The following RBFOX1 variants were observed in gnomAD, a reference collection of about 807,000 sequenced individuals.
RBFOX1 encodes RNA binding fox-1 homolog 1.
A neutral mutation model predicts 57.7 loss-of-function variants in RBFOX1; 8 were observed. The observed-to-expected ratio is 0.14, with a 90% CI of 0.08 to 0.25. RBFOX1 has a LOEUF of 0.25. Among genes scored for constraint, RBFOX1 ranks in the 10% least tolerant of loss-of-function variants. The pLI, the probability that RBFOX1 is intolerant of heterozygous loss-of-function variation, is 1.00. For missense variants in RBFOX1, 611 were observed against 548.5 expected (o/e 1.11, Z -1.14); for synonymous variants, 326 against 222.4 (o/e 1.47, Z -4.15).
chr16:7,705,051 A>G (rs2081997147), intron 14 of RBFOX1, among the ~76,000 whole-genome samples: 2 of 138,750 alleles, frequency 1.4e-5, no homozygotes, highest in African/African-American at 3.1e-5. Context: ...CTCAAAAGAA[A>G]AAAAAAAAAA....
At chr16:7,314,764 G>A (rs931676974) in intron 4 of RBFOX1, among the ~76,000 whole-genome samples, 31 of 152,302 alleles carry the variant, frequency 2.0e-4, no homozygotes, top group African/African-American at 5.1e-4. Context: ...TTGACTGTAA[G>A]CCGAATCACC....
At chr16:6,962,291 C>T (rs2083190548) in intron 3 of RBFOX1, among the ~76,000 whole-genome samples, 2 of 152,122 alleles carry the variant, frequency 1.3e-5, no homozygotes, top group African/African-American at 4.8e-5. Flanking sequence ...TTGGCCCACC[C>T]TAAATTCAGG....
chr16:7,148,519 T>C (rs1337882723), intron 4 of RBFOX1, among the ~76,000 whole-genome samples: 1 of 152,228 alleles, frequency 6.6e-6, no homozygotes, highest in Non-Finnish European at 1.5e-5. Context: ...ACATTTAACA[T>C]ATTAAGGCCG....
At chr16:6,328,460 A>T (rs921077741) in intron 2 of RBFOX1, among the ~76,000 whole-genome samples, 3 of 152,134 alleles carry the variant, frequency 2.0e-5, no homozygotes, top group Non-Finnish European at 2.9e-5. Context: ...GTGCATTGTG[A>T]GGCCAAATAA....
chr16:7,272,480 G>A lies in RBFOX1; in HGVS notation c.27+220382G>A, dbSNP rs546855789. ...ATTACAGGCATCAGCCACCATGCCTGGCACCCGTTTCCCTAGTTTAGACAT... is the reference window on the plus strand; with the variant it reads ...ATTACAGGCATCAGCCACCATGCCTAGCACCCGTTTCCCTAGTTTAGACAT... On this transcript the variant is annotated intron_variant, in intron 4 of 15. Transcript: ENST00000550418. 2.0e-5 allele frequency among the ~76,000 whole-genome samples: 3 copies of A among 152,264 alleles called. No homozygotes were observed. The South Asian group carries it at 6.2e-4, about 32-fold the overall frequency.
chr16:6,224,721 A>T (rs2097402911), intron 1 of RBFOX1, among the ~76,000 whole-genome samples: 1 of 152,142 alleles, frequency 6.6e-6, no homozygotes, highest in South Asian at 2.1e-4. Flanking sequence ...TCAAAAGCAG[A>T]TTAAGAATCA....
At chr16:7,103,643 TTTG>T (rs2063083002) in intron 4 of RBFOX1, among the ~76,000 whole-genome samples, 1 of 152,210 alleles carries the variant, frequency 6.6e-6, no homozygotes, top group Non-Finnish European at 1.5e-5. Flanking sequence ...TTTATAGTTT[TTTG>T]TTAAGTACAT....
intron 4 of RBFOX1, among the ~76,000 whole-genome samples, chr16:7,428,323 C>CTTTTT (rs201523653): frequency 4.5e-4 from 50 of 112,314 alleles, no homozygotes; most frequent in South Asian, 9.0e-4. Flanking sequence ...GAATTAATAT[C>CTTTTT]TTTTTTTTTT....
intron 3 of RBFOX1, among the ~76,000 whole-genome samples, chr16:7,049,087 A>G (rs1353079052): frequency 6.6e-6 from 1 of 152,150 alleles, no homozygotes; most frequent in Non-Finnish European, 1.5e-5. Context: ...GGAGTTTATA[A>G]AAATACTGTT....
At chr16:6,669,016 A>T (rs2098748770) in intron 3 of RBFOX1, among the ~76,000 whole-genome samples, 1 of 152,146 alleles carries the variant, frequency 6.6e-6, no homozygotes, top group Admixed American at 6.5e-5. Flanking sequence ...GGGTTTTATT[A>T]TCCCACTTCT....
At chr16:5,544,372 T>G (rs1444461026) in intron 2 of RBFOX1, among the ~76,000 whole-genome samples, 1 of 152,122 alleles carries the variant, frequency 6.6e-6, no homozygotes, top group Non-Finnish European at 1.5e-5. Context: ...TATTTTGAAT[T>G]GAATGAAAAT....
intron 3 of RBFOX1, among the ~76,000 whole-genome samples, chr16:6,725,286 C>T (rs750314861): frequency 1.2e-4 from 18 of 151,728 alleles, no homozygotes; most frequent in Non-Finnish European, 2.5e-4. Flanking sequence ...CTCCTGACCT[C>T]GTGATCCACC....
chr16:7,290,728 C>T (rs150281417), intron 4 of RBFOX1, among the ~76,000 whole-genome samples: 20 of 152,292 alleles, frequency 1.3e-4, no homozygotes, highest in East Asian at 5.8e-4. Context: ...GGGACATGTG[C>T]GTGTCCGTGT....
chr16:6,574,364 G>T (rs184908587), intron 2 of RBFOX1, among the ~76,000 whole-genome samples: 30 of 151,880 alleles, frequency 2.0e-4, no homozygotes, highest in Admixed American at 1.6e-3. Flanking sequence ...TCACTAGCGT[G>T]GGAATGCTGT....
chr16:6,324,165 G>A (rs2082119990), intron 2 of RBFOX1, among the ~76,000 whole-genome samples: 5 of 112,036 alleles, frequency 4.5e-5, no homozygotes, highest in Admixed American at 1.4e-4. Context: ...ACCCTTCTGA[G>A]TCTCCATAGT....
intron 2 of RBFOX1, among the ~76,000 whole-genome samples, chr16:5,476,031 C>T (rs557302699): frequency 6.6e-6 from 1 of 152,222 alleles, no homozygotes; most frequent in East Asian, 1.9e-4. Flanking sequence ...TACCAAGCAG[C>T]TCATCCAGGC....
intron 1 of RBFOX1, among the ~76,000 whole-genome samples, chr16:6,233,067 A>G (rs1161942240): frequency 6.6e-6 from 1 of 152,134 alleles, no homozygotes; most frequent in Middle Eastern, 3.2e-3. Context: ...CTAACAGGGA[A>G]ATTCTTGTAG....
chr16:7,290,618 T>A (rs2095750812), intron 4 of RBFOX1, among the ~76,000 whole-genome samples: 1 of 152,218 alleles, frequency 6.6e-6, no homozygotes, highest in South Asian at 2.1e-4. Flanking sequence ...ATTTGCTCAT[T>A]CACTCAACTA....
intron 2 of RBFOX1, among the ~76,000 whole-genome samples, chr16:5,574,949 G>T (rs2046404632): frequency 6.6e-6 from 1 of 152,108 alleles, no homozygotes; most frequent in Admixed American, 6.6e-5. Flanking sequence ...AGCTTGATAA[G>T]GCTGCACAGA....
Sources: allele counts gnomAD v4.1 joint callset (sites outside exome capture counted in the v4.1 genomes callset), GRCh38; gene constraint gnomAD v4.1.1; transcripts MANE v1.5; gene names NCBI Gene and HGNC (gene_info 2026-07-23, HGNC 2026-07-21).